Variants in STK10 observed in about 807,000 individuals in gnomAD.
STK10 encodes the protein serine/threonine kinase 10.
In STK10, 78 loss-of-function variants were observed where a neutral mutation model predicts 113.8. The observed-to-expected ratio is 0.69, with a 90% confidence interval of 0.57 to 0.83. The LOEUF (loss-of-function observed/expected upper bound fraction) is 0.83. Among genes scored for constraint, STK10 ranks in the 40% least tolerant of loss-of-function variants. The pLI, the probability that STK10 is intolerant of heterozygous loss-of-function variation, is 0.00. For synonymous variants in STK10, 465 were observed against 494.7 expected (o/e 0.94, Z 0.80); for missense variants, 1,109 against 1,280.1 (o/e 0.87, Z 2.04).
intron 1 of STK10, among the ~76,000 whole-genome samples, chr5:172,159,402 C>T (rs947101298): frequency 6.6e-6 from 1 of 152,154 alleles, no homozygotes; most frequent in African/African-American, 2.4e-5. Flanking sequence ...ACTAGCCAGG[C>T]ATGATGGCAT....
intron 5 of STK10, 104 bp downstream of exon 5, chr5:172,107,676 T>TTTGCCCACAGGCTGACCGG: frequency 1.5e-6 from 1 of 647,184 alleles, no homozygotes; most frequent in Non-Finnish European, 2.2e-6. Context: ...AGGCAGGGCG[T>TTTGCCCACAGGCTGACCGG]GTAGCCCTTG....
chr5:172,050,313 C>CTTGT (rs1361992604), intron 18 of STK10, among the ~76,000 whole-genome samples: 2 of 152,182 alleles, frequency 1.3e-5, no homozygotes. Flanking sequence ...AGATCCTGTT[C>CTTGT]TTGTGCCTGG....
intron 12 of STK10, among the ~76,000 whole-genome samples, chr5:172,068,834 A>C (rs1450185904): frequency 6.6e-6 from 1 of 151,762 alleles, no homozygotes; most frequent in Non-Finnish European, 1.5e-5. Flanking sequence ...GCAGTGAGCC[A>C]AGATCATACC....
intron 2 of STK10, among the ~76,000 whole-genome samples, chr5:172,144,712 G>A (rs1473944537): frequency 6.6e-6 from 1 of 152,126 alleles, no homozygotes; most frequent in Non-Finnish European, 1.5e-5. Flanking sequence ...AGGGTGAACT[G>A]AGTTCACCCA....
intron 1 of STK10, among the ~76,000 whole-genome samples, chr5:172,158,986 T>C (rs1343615015): frequency 6.6e-6 from 1 of 152,224 alleles, no homozygotes; most frequent in Admixed American, 6.5e-5. Flanking sequence ...AGCTGTGAAC[T>C]GATTTAATGC....
At chr5:172,090,886 G>A (rs1477032368) in intron 9 of STK10, among the ~76,000 whole-genome samples, 2 of 126,390 alleles carry the variant, frequency 1.6e-5, no homozygotes, top group Non-Finnish European at 3.1e-5. Context: ...AGAGAGCTTA[G>A]ATCACGCCAC....
chr5:172,055,142 G>T (rs1192355004), intron 16 of STK10, among the ~76,000 whole-genome samples: 1 of 151,788 alleles, frequency 6.6e-6, no homozygotes, highest in African/African-American at 2.4e-5. Flanking sequence ...TCCAGGGCAC[G>T]CATGGTGACT....
intron 2 of STK10, among the ~76,000 whole-genome samples, chr5:172,131,312 G>A (rs1341288387): frequency 6.6e-6 from 1 of 152,206 alleles, no homozygotes; most frequent in Non-Finnish European, 1.5e-5. Flanking sequence ...GGGATTACAG[G>A]CGTGAGCCCC....
At position 172,061,151 on chromosome 5, in the gene STK10, C is replaced by T. The variant is rs1391904691; in HGVS notation, c.2200G>A (p.Glu734Lys). The T allele has an allele frequency of 6.2e-7, 1 of 1,611,962 alleles. No homozygotes were observed. Among genetic ancestry groups the T allele is most frequent in the Non-Finnish European group, 8.5e-7 (1 of 1,179,476 alleles). Residue 734 changes from glutamate (E) to lysine (K), a missense_variant, in exon 14 of 19, where the codon GAG becomes AAG. Physicochemically the swap from Glu to Lys is moderately conservative, Grantham distance 56 (BLOSUM62 1). Transcript: ENST00000176763. ...KERECLMKKQ[E>K]LLRDREAALW... is the part of the protein sequence containing the mutation. ...TGCACACCCCCACCTCGAAGGAGCT[C>T]CTGCTTCTTCATGAGGCACTCGCGC...
intron 2 of STK10, among the ~76,000 whole-genome samples, chr5:172,145,044 A>G (rs1327555086): frequency 6.6e-6 from 1 of 152,136 alleles, no homozygotes; most frequent in Non-Finnish European, 1.5e-5. Flanking sequence ...AGTCCATCCC[A>G]TCTTCCAGAA....
intron 1 of STK10, among the ~76,000 whole-genome samples, chr5:172,182,596 C>T (rs1490599936): frequency 2.0e-5 from 3 of 150,656 alleles, no homozygotes; most frequent in Non-Finnish European, 4.4e-5. Context: ...CTCTTTCACC[C>T]AGGTTGGTTT....
At chr5:172,104,298 T>C (rs2113761007) in intron 7 of STK10, among the ~76,000 whole-genome samples, 1 of 152,278 alleles carries the variant, frequency 6.6e-6, no homozygotes, top group East Asian at 1.9e-4. Flanking sequence ...GTCGGCAGAT[T>C]TGCAAATGAC....
At chr5:172,168,209 TCA>T (rs1770604143) in intron 1 of STK10, among the ~76,000 whole-genome samples, 1 of 152,206 alleles carries the variant, frequency 6.6e-6, no homozygotes, top group African/African-American at 2.4e-5. Context: ...GGTCTGGGTG[TCA>T]CACAATGTAC....
Position 172,093,499 on chromosome 5 carries a change from G to T in STK10, c.1467C>A (p.Ser489Arg). The change falls in exon 9 of 19, where the codon AGC (serine) becomes AGA (arginine). Residue 489 changes from serine (S) to arginine (R), a missense_variant. Transcript: ENST00000176763. This position sits in a 1 kb window ranked among gnomAD's most constrained non-coding sequence, Gnocchi z 4.1. ...GPSKRDSDCS[S>R]LCTSESMDYG... ...AGTCCATGCTCTCAGAGGTGCAGAG[G>T]CTGCTGCAGTCCGAGTCCCTCTTGG... 2 of 1,614,248 alleles carry T rather than the reference G, an allele frequency of 1.2e-6. No individual in the cohort carries two copies. The highest frequency in any genetic ancestry group is 8.5e-7 in the Non-Finnish European group (1 of 1,180,034).
At chr5:172,127,100 G>A (rs1054226098) in intron 3 of STK10, among the ~76,000 whole-genome samples, 5 of 152,108 alleles carry the variant, frequency 3.3e-5, no homozygotes, top group African/African-American at 4.8e-5. Context: ...CCCGGGAGGC[G>A]GAGGCTGCAG....
At chr5:172,051,100 C>T (rs1038456725) in intron 18 of STK10, among the ~76,000 whole-genome samples, 7 of 151,694 alleles carry the variant, frequency 4.6e-5, no homozygotes, top group Middle Eastern at 3.2e-3. Flanking sequence ...AAAAAAAAAT[C>T]CGCTGGTCTT....
chr5:172,090,416 G>T, intron 9 of STK10, 54 bp from the exon 10 acceptor site: 1 of 1,588,190 alleles, frequency 6.3e-7, no homozygotes, highest in Non-Finnish European at 8.6e-7. Flanking sequence ...AGGACCCATG[G>T]CTGTCGCAGC....
In STK10 at chr5:172,120,329, C is replaced by T. The variant is rs538922363; in HGVS notation, c.371-2699G>A. ...AAGGCTCAGCTCTCCCAGCCAGGCC[C>T]TCAGGAGTGGTATAATAGACATGCC... is the stretch of plus-strand genomic sequence containing the variant. On this transcript the variant is annotated intron_variant, in intron 3 of 18. Transcript: ENST00000176763. This position sits in a 1 kb window ranked among gnomAD's most constrained non-coding sequence, Gnocchi z 4.0. Among the ~76,000 whole-genome samples, 2 of 152,304 alleles carry T rather than the reference C, an allele frequency of 1.3e-5. No homozygotes were observed. Among genetic ancestry groups the T allele is most frequent in the South Asian group, 2.1e-4 (1 of 4,818 alleles).
In STK10 at chr5:172,145,489, G is replaced by A. The variant is rs939124602; in HGVS notation, c.321+11135C>T. Among the ~76,000 whole-genome samples, 3 of 152,258 alleles carry A rather than the reference G, an allele frequency of 2.0e-5. No individual in the cohort carries two copies. The East Asian group carries it at 5.8e-4, about 29-fold the overall frequency. Reference sequence around the variant, plus strand: ...GCGGTGGCCACTGCAGGCAGAGCACGCGCTGGCCCGCTCAGAGCCTGCTCA... The same window carrying A: ...GCGGTGGCCACTGCAGGCAGAGCACACGCTGGCCCGCTCAGAGCCTGCTCA... On this transcript the variant is annotated intron_variant, in intron 2 of 18. Coordinates refer to ENST00000176763, the MANE Select transcript of STK10 (RefSeq NM_005990.4).
Sources: gnomAD v4.1 joint callset for allele counts (sites outside exome capture counted in the v4.1 genomes callset) on GRCh38, gnomAD v4.1.1 for gene constraint, Gnocchi (gnomAD v3.1) non-coding constraint, MANE v1.5 for transcripts, NCBI Gene and HGNC (gene_info 2026-07-23, HGNC 2026-07-21) for gene names.